SH3RF3: variants seen among roughly 807,000 people sequenced by gnomAD.
SH3RF3 encodes E3 ubiquitin-protein ligase SH3RF3.
Under a neutral mutation model 66.3 loss-of-function variants are expected in SH3RF3, and 29 were observed. That is an observed-to-expected ratio of 0.44 (90% CI 0.33 to 0.60). SH3RF3 has a LOEUF of 0.60. SH3RF3 is among the 20% of genes least tolerant of loss of function. SH3RF3 has a pLI of 0.04. For missense variants in SH3RF3, 1,194 were observed against 1,190.9 expected, an observed-to-expected ratio of 1.00 and a Z score of -0.04; for synonymous variants, 583 against 532.0, an observed-to-expected ratio of 1.10 and a Z score of -1.32.
intron 1 of SH3RF3, among the ~76,000 whole-genome samples, chr2:109,331,820 C>G (rs1682293315): frequency 6.6e-6 from 1 of 152,130 alleles, no homozygotes; most frequent in African/African-American, 2.4e-5. Flanking sequence ...GTCTCGTGTT[C>G]AGATCTTTGC....
intron 1 of SH3RF3, among the ~76,000 whole-genome samples, chr2:109,154,327 G>C (rs1341213143): frequency 6.6e-6 from 1 of 152,134 alleles, no homozygotes; most frequent in Non-Finnish European, 1.5e-5. Flanking sequence ...GTAGGTGATT[G>C]GGGTTATCAT....
At chr2:109,280,418 G>A (rs781027983) in intron 1 of SH3RF3, among the ~76,000 whole-genome samples, 3 of 152,154 alleles carry the variant, frequency 2.0e-5, no homozygotes, top group Non-Finnish European at 2.9e-5. Flanking sequence ...GCAGGGTGAT[G>A]GGGCCCCAGT....
chr2:109,489,155 C>T (rs1474319939), intron 8 of SH3RF3, among the ~76,000 whole-genome samples: 2 of 152,250 alleles, frequency 1.3e-5, no homozygotes, highest in African/African-American at 2.4e-5. Context: ...ATCTCTTTCC[C>T]TCTCTATTGC....
chr2:109,190,394 A>G (rs1485151076), intron 1 of SH3RF3, among the ~76,000 whole-genome samples: 1 of 152,204 alleles, frequency 6.6e-6, no homozygotes, highest in African/African-American at 2.4e-5. Flanking sequence ...GGCTGGTCTC[A>G]AATTCCTGAC....
At chr2:109,273,260 A>G (rs540899248) in intron 1 of SH3RF3, among the ~76,000 whole-genome samples, 2 of 152,326 alleles carry the variant, frequency 1.3e-5, no homozygotes, top group East Asian at 3.9e-4. Flanking sequence ...GGGAAGGCAC[A>G]TGTGTTTCTG....
intron 3 of SH3RF3, among the ~76,000 whole-genome samples, chr2:109,374,824 G>A (rs967339763): frequency 3.3e-5 from 5 of 152,318 alleles, no homozygotes; most frequent in Middle Eastern, 3.4e-3. Flanking sequence ...CTCTCACCTC[G>A]CCTGGCCTCA....
At chr2:109,394,369 G>A (rs1211194945) in intron 3 of SH3RF3, among the ~76,000 whole-genome samples, 1 of 152,096 alleles carries the variant, frequency 6.6e-6, no homozygotes, top group Non-Finnish European at 1.5e-5. Flanking sequence ...GGACAAGACT[G>A]CACCATCCCC....
At chr2:109,431,959 T>C (rs755016130) in intron 5 of SH3RF3, among the ~76,000 whole-genome samples, 24 of 152,106 alleles carry the variant, frequency 1.6e-4, no homozygotes, top group Non-Finnish European at 2.5e-4. Context: ...ACCTTTCCCT[T>C]AAAAAGGGCC....
chr2:109,218,154 T>TA (rs57642489), intron 1 of SH3RF3, among the ~76,000 whole-genome samples: 8,166 of 149,012 alleles, frequency 0.055, 722 homozygotes, highest in African/African-American at 0.19. Context: ...TCTGTTCTAT[T>TA]AAAAAAAAAA....
chr2:109,259,244 G>A (rs891273772), intron 1 of SH3RF3, among the ~76,000 whole-genome samples: 40 of 152,204 alleles, frequency 2.6e-4, no homozygotes, highest in African/African-American at 9.6e-4. Context: ...TCCTGGCCCT[G>A]AGGAGCACCC....
intron 1 of SH3RF3, among the ~76,000 whole-genome samples, chr2:109,217,368 A>T (rs1679123485): frequency 6.6e-6 from 1 of 152,196 alleles, no homozygotes; most frequent in Non-Finnish European, 1.5e-5. Flanking sequence ...ATCGTGAATG[A>T]GGCTACAGGT....
In SH3RF3 at chr2:109,492,811, T is replaced by C. The variant is rs375196556; in HGVS notation, c.2480+1875T>C. The stretch of plus-strand genomic sequence containing the variant: ...TCCTGTGTAGTCACAGGGCCTATTA[T>C]CAGCTTGTGGACATCGTGGGACATG... On this transcript the variant is annotated intron_variant, in intron 9 of 9. Coordinates refer to ENST00000309415, the MANE Select transcript of SH3RF3 (RefSeq NM_001099289.3). Among the ~76,000 whole-genome samples the C allele has an allele frequency of 5.3e-5, 8 of 152,162 alleles. No individual in the cohort carries two copies. The East Asian group carries it at 1.2e-3, about 22-fold the overall frequency.
chr2:109,166,152 G>A (rs1677616140), intron 1 of SH3RF3, among the ~76,000 whole-genome samples: 1 of 152,126 alleles, frequency 6.6e-6, no homozygotes. Context: ...TCTTAATATG[G>A]TTGGCTTTTT....
At chr2:109,363,083 C>A (rs913998009) in intron 2 of SH3RF3, among the ~76,000 whole-genome samples, 3 of 152,068 alleles carry the variant, frequency 2.0e-5, no homozygotes, top group African/African-American at 7.2e-5. Context: ...AGGTTAAATT[C>A]TACCATATTT....
intron 1 of SH3RF3, among the ~76,000 whole-genome samples, chr2:109,281,166 A>G (rs1420851564): frequency 6.6e-6 from 1 of 152,238 alleles, no homozygotes; most frequent in Non-Finnish European, 1.5e-5. Flanking sequence ...CACCTGCACA[A>G]TGCAGTGAGT....
intron 8 of SH3RF3, among the ~76,000 whole-genome samples, chr2:109,466,439 TTTG>T (rs1678348340): frequency 6.6e-6 from 1 of 152,274 alleles, no homozygotes; most frequent in African/African-American, 2.4e-5. Flanking sequence ...AATTGGGTTG[TTTG>T]TTTTCTTATA....
At chr2:109,401,182 A>G (rs752574279) in intron 4 of SH3RF3, among the ~76,000 whole-genome samples, 3 of 152,220 alleles carry the variant, frequency 2.0e-5, no homozygotes, top group African/African-American at 2.4e-5. Flanking sequence ...TTTGTCACCA[A>G]TGACAAAGTG....
intron 8 of SH3RF3, among the ~76,000 whole-genome samples, chr2:109,471,855 G>C (rs1365468819): frequency 6.6e-6 from 1 of 152,188 alleles, no homozygotes; most frequent in Non-Finnish European, 1.5e-5. Flanking sequence ...CACTCTATTT[G>C]CTGAGACTAT....
intron 1 of SH3RF3, among the ~76,000 whole-genome samples, chr2:109,227,916 G>A (rs557175387): frequency 1.3e-5 from 2 of 152,320 alleles, no homozygotes; most frequent in South Asian, 2.1e-4. Flanking sequence ...GATGGTGACC[G>A]TCATTCCTGA....
Sources: allele counts gnomAD v4.1 joint callset (sites outside exome capture counted in the v4.1 genomes callset), GRCh38; gene constraint gnomAD v4.1.1; transcripts MANE v1.5; gene names NCBI Gene and HGNC (gene_info 2026-07-23, HGNC 2026-07-21).